The following LRRTM4 variants were observed in gnomAD, a reference collection of about 807,000 sequenced individuals.
LRRTM4 encodes leucine-rich repeat transmembrane neuronal protein 4.
Under a neutral mutation model 47.6 loss-of-function variants are expected in LRRTM4, and 25 were observed. The ratio of observed to expected loss-of-function variants is 0.53; its 90% CI spans 0.38 to 0.73. The LOEUF (loss-of-function observed/expected upper bound fraction) is 0.73, where lower values mean the gene tolerates loss of function less well. Among genes scored for constraint, LRRTM4 ranks in the 30% least tolerant of loss-of-function variants. The pLI is 0.00. For missense variants in LRRTM4, 638 were observed against 713.4 expected (o/e 0.89, Z 1.20); for synonymous variants, 311 against 269.5 (o/e 1.15, Z -1.51).
At position 77,050,348 on chromosome 2, in the gene LRRTM4, C is replaced by T. The variant is rs185016235; in HGVS notation, c.1552-301432G>A. ...AACATTGCCAATTCTCTACTCGAGG[C>T]CTAATGCCAGATGCTATTTATAATT... On this transcript the variant is annotated intron_variant, in intron 3 of 3. Transcript: ENST00000409884. Among the ~76,000 whole-genome samples, 61 of 152,196 alleles carry T rather than the reference C, an allele frequency of 4.0e-4. 1 individual carries two copies. Among genetic ancestry groups the T allele is most frequent in the Admixed American group, 3.7e-3 (56 of 15,270 alleles).
chr2:76,756,881 A>T (rs1189765341), intron 3 of LRRTM4, among the ~76,000 whole-genome samples: 1 of 152,084 alleles, frequency 6.6e-6, no homozygotes, highest in Non-Finnish European at 1.5e-5. Flanking sequence ...TTCTCATTGA[A>T]CTCCCTCATC....
At chr2:76,809,401 C>A (rs1670660662) in intron 3 of LRRTM4, among the ~76,000 whole-genome samples, 1 of 152,158 alleles carries the variant, frequency 6.6e-6, no homozygotes, top group Admixed American at 6.6e-5. Context: ...TCAGCTCCTT[C>A]TTTTAAGTGC....
intron 3 of LRRTM4, chr2:77,518,037 C>T (rs1235971123): frequency 4.4e-6 from 5 of 1,147,330 alleles, no homozygotes; most frequent in African/African-American, 3.2e-5. Context: ...TAAGTCCAAC[C>T]CCTGTATACA....
At chr2:77,248,743 A>G (rs78409701) in intron 3 of LRRTM4, among the ~76,000 whole-genome samples, 4,573 of 152,234 alleles carry the variant, frequency 0.03, 256 homozygotes, top group African/African-American at 0.1. Flanking sequence ...ATAGACGCAC[A>G]TAATTATAGT....
chr2:76,810,557 G>A (rs753560035), intron 3 of LRRTM4, among the ~76,000 whole-genome samples: 23 of 152,054 alleles, frequency 1.5e-4, no homozygotes, highest in Admixed American at 2.6e-4. Flanking sequence ...TGCATAGTGA[G>A]GTATTAATAC....
chr2:77,278,141 TG>T (rs1676412017), intron 3 of LRRTM4, among the ~76,000 whole-genome samples: 1 of 151,964 alleles, frequency 6.6e-6, no homozygotes, highest in South Asian at 2.1e-4. Context: ...GGTTCAAAGC[TG>T]GGTTCTCCTC....
chr2:77,104,738 G>C (rs1044244326), intron 3 of LRRTM4, among the ~76,000 whole-genome samples: 8 of 152,248 alleles, frequency 5.3e-5, no homozygotes, highest in African/African-American at 1.9e-4. Context: ...CGCTGAAATC[G>C]AGCAGGGTTT....
intron 3 of LRRTM4, among the ~76,000 whole-genome samples, chr2:77,034,507 C>G (rs1261714138): frequency 2.0e-5 from 3 of 151,880 alleles, no homozygotes; most frequent in African/African-American, 7.2e-5. Flanking sequence ...TGCAGATTTT[C>G]TCTCCGTCTT....
Position 76,964,081 on chromosome 2 carries a change from G to A in LRRTM4, c.1552-215165C>T, listed in dbSNP as rs1675947351. Among the ~76,000 whole-genome samples, 3 of 150,770 alleles carry A rather than the reference G, an allele frequency of 2.0e-5. No individual in the cohort carries two copies. The Admixed American group carries it at 2.0e-4, about 10-fold the overall frequency. On this transcript the variant is annotated intron_variant, in intron 3 of 3. Transcript: ENST00000409884. ...GATAGACATCAAATAAATCTTCATA[G>A]AAGTAGTCAGAATTCATTTGGAATT...
At chr2:76,775,825 T>C (rs532062028) in intron 3 of LRRTM4, among the ~76,000 whole-genome samples, 13 of 152,246 alleles carry the variant, frequency 8.5e-5, no homozygotes, top group African/African-American at 3.1e-4. Flanking sequence ...GTTACATATG[T>C]ATACATGTGC....
intron 3 of LRRTM4, among the ~76,000 whole-genome samples, chr2:77,440,410 C>T (rs1384261932): frequency 6.6e-6 from 1 of 151,528 alleles, no homozygotes; most frequent in Non-Finnish European, 1.5e-5. Context: ...TGAGACTCCG[C>T]CTCAAAAAAG....
intron 3 of LRRTM4, among the ~76,000 whole-genome samples, chr2:77,449,730 G>A (rs566121923): frequency 3.3e-5 from 5 of 152,276 alleles, no homozygotes; most frequent in Admixed American, 1.3e-4. Flanking sequence ...GTGTTGGTGA[G>A]GTTAGCACTG....
chr2:77,276,661 G>T (rs1327711929), intron 3 of LRRTM4, among the ~76,000 whole-genome samples: 1 of 121,914 alleles, frequency 8.2e-6, no homozygotes, highest in Non-Finnish European at 1.7e-5. Flanking sequence ...ATCAGTAAAT[G>T]TTCTTGTATA....
intron 3 of LRRTM4, among the ~76,000 whole-genome samples, chr2:77,367,119 A>G (rs753172601): frequency 2.6e-5 from 4 of 151,608 alleles, no homozygotes; most frequent in Non-Finnish European, 4.4e-5. Flanking sequence ...GAATGTATTG[A>G]TTTCTCGGCT....
chr2:76,807,271 TG>T (rs1408502482), intron 3 of LRRTM4, among the ~76,000 whole-genome samples: 5 of 151,524 alleles, frequency 3.3e-5, no homozygotes, highest in Admixed American at 3.3e-4. Context: ...TTAAGTGAAT[TG>T]TGGTATGCCC....
At chr2:77,041,367 G>T (rs146818470) in intron 3 of LRRTM4, among the ~76,000 whole-genome samples, 3 of 151,586 alleles carry the variant, frequency 2.0e-5, no homozygotes, top group African/African-American at 7.2e-5. Flanking sequence ...GAATAGTGTT[G>T]CAATAGACAT....
At chr2:77,004,759 G>A (rs116747194) in intron 3 of LRRTM4, among the ~76,000 whole-genome samples, 3,185 of 152,242 alleles carry the variant, frequency 0.021, 120 homozygotes, top group African/African-American at 0.073. Context: ...AAGCAGCCAG[G>A]AGGGTGGCCG....
Position 76,794,207 on chromosome 2 carries a change from T to C in LRRTM4, c.1552-45291A>G, listed in dbSNP as rs74908557. ...AACCAGAGATTACTATGTAAGCTTA[T>C]AGCTTATTGAATCAGACCTTGTTAG... On this transcript the variant is annotated intron_variant, in intron 3 of 3. Transcript: ENST00000409884. 3.8e-3 allele frequency among the ~76,000 whole-genome samples: 581 copies of C among 152,146 alleles called. 1 individual carries two copies. The highest frequency in any genetic ancestry group is 6.0e-3 in the Non-Finnish European group (408 of 68,000).
intron 3 of LRRTM4, among the ~76,000 whole-genome samples, chr2:76,799,520 C>A (rs1451695847): frequency 6.9e-6 from 1 of 144,244 alleles, no homozygotes; most frequent in African/African-American, 2.6e-5. Context: ...AAACTGCAAG[C>A]ATTCCCTTTG....
Sources: allele counts gnomAD v4.1 joint callset (sites outside exome capture counted in the v4.1 genomes callset), GRCh38; gene constraint gnomAD v4.1.1; transcripts MANE v1.5; gene names NCBI Gene and HGNC (gene_info 2026-07-23, HGNC 2026-07-21).